The following USP8 variants were observed in gnomAD, a reference collection of about 807,000 sequenced individuals.
USP8 encodes the protein ubiquitin carboxyl-terminal hydrolase 8.
USP8 carries 27 observed loss-of-function variants against 130.0 expected under a neutral mutation model. The ratio of observed to expected loss-of-function variants is 0.21; its 90% CI spans 0.15 to 0.29. USP8 has a LOEUF of 0.29. USP8 is among the 10% of genes least tolerant of loss of function. USP8 has a pLI of 1.00. For missense variants in USP8, 1,029 were observed against 1,312.2 expected (o/e 0.78, Z 3.33); for synonymous variants, 392 against 444.1 (o/e 0.88, Z 1.48).
At chr15:50,471,229 G>C (rs1313702323) in intron 7 of USP8, among the ~76,000 whole-genome samples, 2 of 152,132 alleles carry the variant, frequency 1.3e-5, no homozygotes, top group African/African-American at 4.8e-5. Context: ...CTGGTATATG[G>C]TGGACTATTA....
chr15:50,459,193 A>T, intron 5 of USP8, 31 bp downstream of exon 5: 1 of 1,585,996 alleles, frequency 6.3e-7, no homozygotes, highest in South Asian at 1.2e-5. Flanking sequence ...GAGTTAAAAG[A>T]CTGTTTCTGC....
chr15:50,470,351 T>C lies in USP8; in HGVS notation c.687-1282T>C, dbSNP rs530958963. 1.1e-3 allele frequency among the ~76,000 whole-genome samples: 161 copies of C among 152,316 alleles called. 1 individual carries two copies. The highest frequency in any genetic ancestry group is 1.6e-3 in the Non-Finnish European group (108 of 68,036). On this transcript the variant is annotated intron_variant, in intron 7 of 19. Transcript: ENST00000307179. ...GTGTGCGTGTGCATGTGTGTGTGTT[T>C]AGAAAGGCCTCACAGAGAAGTTATT... is the stretch of plus-strand genomic sequence containing the variant.
In USP8 at chr15:50,439,101, G is replaced by C. The variant is rs1254440813; in HGVS notation, c.28G>C (p.Glu10Gln). Residue 10 changes from glutamate (E) to glutamine (Q), a missense_variant, in exon 2 of 20, where the codon GAA becomes CAA. Glu to Gln is a conservative substitution (Grantham distance 29, BLOSUM62 2). This residue lies in a region of USP8 where 281 missense variants were observed against 336.7 expected (regional missense o/e 0.83). Transcript: ENST00000307179. ...GCCTGCTGTGGCTTCAGTTCCTAAAGAACTCTACCTCAGTTCTTCACTAAA... is the reference window on the plus strand; with the variant it reads ...GCCTGCTGTGGCTTCAGTTCCTAAACAACTCTACCTCAGTTCTTCACTAAA... MPAVASVPK[E>Q]LYLSSSLKDL... 1 of 1,604,750 alleles carries C rather than the reference G, an allele frequency of 6.2e-7. No individual in the cohort carries two copies. Among genetic ancestry groups the C allele is most frequent in the Non-Finnish European group, 8.5e-7 (1 of 1,177,466 alleles).
chr15:50,427,645 G>A (rs2049785568), intron 1 of USP8, among the ~76,000 whole-genome samples: 1 of 135,060 alleles, frequency 7.4e-6, no homozygotes, highest in African/African-American at 2.8e-5. Flanking sequence ...TCACTGAAAT[G>A]TCCGCCTCCT....
intron 1 of USP8, among the ~76,000 whole-genome samples, chr15:50,436,836 A>G (rs1247114443): frequency 6.6e-6 from 1 of 151,872 alleles, no homozygotes; most frequent in Non-Finnish European, 1.5e-5. Flanking sequence ...TGCCTGGCTA[A>G]TTTTTGTATT....
chr15:50,493,202 A>G, intron 15 of USP8: 1 of 519,286 alleles, frequency 1.9e-6, no homozygotes, highest in Non-Finnish European at 3.7e-6. Context: ...TTCACCCGGG[A>G]GGGGAGCCCT....
intron 1 of USP8, among the ~76,000 whole-genome samples, chr15:50,431,152 A>G (rs1175972255): frequency 3.0e-5 from 1 of 32,956 alleles, no homozygotes; most frequent in Non-Finnish European, 6.5e-5. Flanking sequence ...TGCAGGGTAC[A>G]GTGTGTGTGC....
chr15:50,439,570 C>G (rs1275536418), intron 2 of USP8, among the ~76,000 whole-genome samples: 1 of 152,020 alleles, frequency 6.6e-6, no homozygotes, highest in Non-Finnish European at 1.5e-5. Context: ...GGGCGGATCA[C>G]CTAAGGTCAG....
At chr15:50,430,571 A>T (rs1189183321) in intron 1 of USP8, among the ~76,000 whole-genome samples, 1 of 151,106 alleles carries the variant, frequency 6.6e-6, no homozygotes, top group Non-Finnish European at 1.5e-5. Flanking sequence ...CTAATTTTTT[A>T]TTTTTTTATT....
intron 6 of USP8, among the ~76,000 whole-genome samples, chr15:50,463,197 C>G (rs1226810893): frequency 6.6e-6 from 1 of 152,116 alleles, no homozygotes; most frequent in Non-Finnish European, 1.5e-5. Context: ...TGCAGTGAGC[C>G]ACGATCACAC....
intron 3 of USP8, among the ~76,000 whole-genome samples, chr15:50,448,856 G>A (rs1316695944): frequency 1.3e-4 from 20 of 151,980 alleles, no homozygotes; most frequent in Admixed American, 1.3e-3. Flanking sequence ...TCTATCATTT[G>A]GTTTTTAGTT....
At chr15:50,472,197 A>G (rs1171925918) in intron 8 of USP8, among the ~76,000 whole-genome samples, 2 of 151,856 alleles carry the variant, frequency 1.3e-5, no homozygotes, top group Admixed American at 6.6e-5. Context: ...AGCTGCGCCC[A>G]GCCCATCATG....
intron 2 of USP8, among the ~76,000 whole-genome samples, chr15:50,439,443 T>C (rs1305016089): frequency 6.6e-6 from 1 of 151,268 alleles, no homozygotes; most frequent in Non-Finnish European, 1.5e-5. Context: ...ATGAGGCTTC[T>C]AAAAAAAAAT....
In USP8 at chr15:50,503,398, G is replaced by T. The variant is rs55928286; in HGVS notation, c.*4310G>T. The T allele has an allele frequency of 0.13, 19,829 of 152,264 alleles. 1,633 individuals carry two copies. Among genetic ancestry groups the T allele is most frequent in the East Asian group, 0.28 (1,428 of 5,168 alleles). The allele number at this position is 152,264 out of a possible 1,614,324, so 9.4% of individuals were successfully genotyped here. On this transcript the variant is annotated 3_prime_UTR_variant, in exon 20 of 20. Coordinates refer to ENST00000307179, the MANE Select transcript of USP8 (RefSeq NM_005154.5). ...TTGTGACTGCCTGGGCGTAAAGACAGTCCCTAGTTTCTGTAACCAGTATGC... is the reference window on the plus strand; with the variant it reads ...TTGTGACTGCCTGGGCGTAAAGACATTCCCTAGTTTCTGTAACCAGTATGC...
At chr15:50,473,216 G>A (rs1035183066) in intron 8 of USP8, among the ~76,000 whole-genome samples, 1 of 151,994 alleles carries the variant, frequency 6.6e-6, no homozygotes, top group African/African-American at 2.4e-5. Context: ...GTATTTGTGG[G>A]GGATTGATGC....
intron 6 of USP8, among the ~76,000 whole-genome samples, 176 bp from the exon 7 acceptor site, chr15:50,464,871 G>A (rs559859372): frequency 8.4e-4 from 128 of 152,220 alleles, no homozygotes; most frequent in African/African-American, 3.0e-3. Context: ...AAAACAAGTT[G>A]TATTTAATGT....
chr15:50,462,370 C>A (rs1283676622), intron 6 of USP8, 48 bp downstream of exon 6: 2 of 1,509,500 alleles, frequency 1.3e-6, no homozygotes, highest in African/African-American at 1.4e-5. Flanking sequence ...TGACTGAGAT[C>A]TTTTAATCAG....
chr15:50,425,446 CGATTCTGTTTAA>C (rs1358049094), intron 1 of USP8, among the ~76,000 whole-genome samples: 1 of 152,146 alleles, frequency 6.6e-6, no homozygotes, highest in African/African-American at 2.4e-5. Flanking sequence ...GCATTTCAGC[CGATTCTGTTTAA>C]GATTCGTTGG....
intron 9 of USP8, 120 bp downstream of exon 9, chr15:50,477,113 G>C: frequency 7.1e-7 from 1 of 1,405,558 alleles, no homozygotes. Context: ...TTTGTTTTCA[G>C]GCATAAAAAT....
Sources: gnomAD v4.1 joint callset for allele counts (sites outside exome capture counted in the v4.1 genomes callset) on GRCh38, gnomAD v4.1.1 for gene constraint, gnomAD v4.1.1 regional missense constraint, MANE v1.5 for transcripts, NCBI Gene and HGNC (gene_info 2026-07-23, HGNC 2026-07-21) for gene names.